The following TMTC1 variants were observed in gnomAD, a reference collection of about 807,000 sequenced individuals.
TMTC1 encodes the protein transmembrane O-mannosyltransferase targeting cadherins 1.
In TMTC1, 73 loss-of-function variants were observed where a neutral mutation model predicts 104.8. That is an observed-to-expected ratio of 0.70 (90% CI 0.58 to 0.85). The LOEUF (loss-of-function observed/expected upper bound fraction) is 0.85, where lower values mean the gene tolerates loss of function less well. Ranked by LOEUF, TMTC1 falls within the 40% of genes least tolerant of loss-of-function variation. The pLI, the probability that TMTC1 is intolerant of heterozygous loss-of-function variation, is 0.00. For missense variants in TMTC1, 1,035 were observed against 1,096.1 expected, an observed-to-expected ratio of 0.94 and a Z score of 0.79; for synonymous variants, 434 against 428.7, an observed-to-expected ratio of 1.01 and a Z score of -0.15.
At chr12:29,775,861 C>A (rs1361347325) in intron 1 of TMTC1, among the ~76,000 whole-genome samples, 1 of 152,090 alleles carries the variant, frequency 6.6e-6, no homozygotes, top group Non-Finnish European at 1.5e-5. Flanking sequence ...CATCTAGGAG[C>A]CCACCATGAG....
intron 10 of TMTC1, among the ~76,000 whole-genome samples, chr12:29,554,056 A>T (rs773215408): frequency 6.6e-6 from 1 of 152,188 alleles, no homozygotes; most frequent in Non-Finnish European, 1.5e-5. Context: ...CCCAAAAGAC[A>T]TTTACAGGAT....
intron 5 of TMTC1, among the ~76,000 whole-genome samples, chr12:29,737,266 C>A (rs959126216): frequency 2.0e-5 from 3 of 152,194 alleles, no homozygotes; most frequent in Non-Finnish European, 4.4e-5. Context: ...CGCCTGTAAT[C>A]CCAGCACTTT....
intron 5 of TMTC1, among the ~76,000 whole-genome samples, chr12:29,719,952 G>C (rs1942190580): frequency 6.6e-6 from 1 of 152,160 alleles, no homozygotes; most frequent in African/African-American, 2.4e-5. Context: ...CATGTGAACT[G>C]AATGAGCCTT....
chr12:29,646,987 C>T (rs982887837), intron 5 of TMTC1, among the ~76,000 whole-genome samples: 3 of 152,156 alleles, frequency 2.0e-5, no homozygotes, highest in Non-Finnish European at 2.9e-5. Flanking sequence ...GGTAATCACA[C>T]CTCTAAAATA....
intron 17 of TMTC1, among the ~76,000 whole-genome samples, chr12:29,509,229 C>T (rs1943767911): frequency 6.6e-6 from 1 of 152,170 alleles, no homozygotes; most frequent in South Asian, 2.1e-4. Context: ...AGACTTTGTG[C>T]TATAGCCTGG....
intron 5 of TMTC1, among the ~76,000 whole-genome samples, chr12:29,653,530 T>C (rs1004476159): frequency 6.6e-6 from 1 of 152,126 alleles, no homozygotes. Context: ...AGATACAATG[T>C]CTCCTTTGTT....
chr12:29,692,387 T>G (rs796729333), intron 5 of TMTC1, among the ~76,000 whole-genome samples: 6 of 144,890 alleles, frequency 4.1e-5, no homozygotes, highest in African/African-American at 1.5e-4. Flanking sequence ...CGAAATGAAT[T>G]AAGTTCACCT....
Position 29,733,812 on chromosome 12 carries a change from T to A in TMTC1, c.938+17854A>T, listed in dbSNP as rs74645464. Among the ~76,000 whole-genome samples, 43 of 152,344 alleles carry A rather than the reference T, an allele frequency of 2.8e-4. No homozygotes were observed. In the East Asian group the frequency reaches 7.7e-3, roughly 27 times the overall value. On this transcript the variant is annotated intron_variant, in intron 5 of 17. Transcript: ENST00000539277. ...CAATAATTTTTCTGAACTCAACACA[T>A]CATGCTCTTTTCTTCACCTGTTTCA... is the stretch of plus-strand genomic sequence containing the variant.
intron 7 of TMTC1, among the ~76,000 whole-genome samples, chr12:29,585,939 T>C (rs1184572256): frequency 6.6e-6 from 1 of 151,656 alleles, no homozygotes; most frequent in Non-Finnish European, 1.5e-5. Context: ...TTTGGTTCCA[T>C]ATGAACTTTA....
At chr12:29,584,699 T>C (rs1416586847) in intron 7 of TMTC1, among the ~76,000 whole-genome samples, 3 of 152,134 alleles carry the variant, frequency 2.0e-5, no homozygotes, top group Non-Finnish European at 2.9e-5. Flanking sequence ...GTTTGGTTTT[T>C]TGTCCTTCTG....
chr12:29,557,763 G>A (rs1325186624), intron 9 of TMTC1, among the ~76,000 whole-genome samples: 1 of 152,096 alleles, frequency 6.6e-6, no homozygotes, highest in African/African-American at 2.4e-5. Context: ...AAACATCTTT[G>A]GATTAGAGCA....
At chr12:29,743,986 T>A (rs1421209726) in intron 5 of TMTC1, among the ~76,000 whole-genome samples, 1 of 152,160 alleles carries the variant, frequency 6.6e-6, no homozygotes, top group Admixed American at 6.6e-5. Flanking sequence ...GAGTATTCCA[T>A]ATGGTGTCTG....
intron 5 of TMTC1, among the ~76,000 whole-genome samples, chr12:29,693,979 C>T (rs11050382): frequency 2.2e-3 from 331 of 152,196 alleles, no homozygotes; most frequent in African/African-American, 7.7e-3. Context: ...TAATTACATT[C>T]TTTTTATATA....
intron 5 of TMTC1, among the ~76,000 whole-genome samples, chr12:29,689,170 C>T (rs1216792546): frequency 6.6e-6 from 1 of 152,048 alleles, no homozygotes; most frequent in Non-Finnish European, 1.5e-5. Context: ...AACTAGGCAA[C>T]TTTGTAGAGC....
chr12:29,567,479 A>T (rs370052291), intron 9 of TMTC1, among the ~76,000 whole-genome samples: 2 of 152,192 alleles, frequency 1.3e-5, no homozygotes, highest in East Asian at 1.9e-4. Flanking sequence ...GCATATATAT[A>T]CTGAGAATGT....
chr12:29,535,491 C>G (rs79480002), intron 11 of TMTC1: 78 of 152,330 alleles, frequency 5.1e-4, no homozygotes, highest in African/African-American at 1.8e-3. Context: ...ACTTATTACC[C>G]TTAAGCCAAC....
intron 5 of TMTC1, among the ~76,000 whole-genome samples, chr12:29,739,114 T>A (rs550327173): frequency 6.6e-6 from 1 of 152,342 alleles, no homozygotes; most frequent in East Asian, 1.9e-4. Context: ...CAGACTTTCC[T>A]ACATAGGAAT....
At chr12:29,517,403 T>C (rs200581128) in intron 14 of TMTC1, 24 bp downstream of exon 14, 1 of 1,613,520 alleles carries the variant, frequency 6.2e-7, no homozygotes, top group East Asian at 2.2e-5. Flanking sequence ...GGTTGCCAGC[T>C]TCATTTTCTT....
intron 5 of TMTC1, among the ~76,000 whole-genome samples, chr12:29,640,217 T>C (rs1015687385): frequency 6.6e-6 from 1 of 152,212 alleles, no homozygotes; most frequent in Non-Finnish European, 1.5e-5. Context: ...CAAGGATGAA[T>C]GGTCCAATTA....
Sources: allele counts gnomAD v4.1 joint callset (sites outside exome capture counted in the v4.1 genomes callset), GRCh38; gene constraint gnomAD v4.1.1; transcripts MANE v1.5; gene names NCBI Gene and HGNC (gene_info 2026-07-23, HGNC 2026-07-21).